Variants in SAMD13 observed in about 807,000 individuals in gnomAD.
SAMD13 encodes the protein sterile alpha motif domain containing 13, also known as sterile alpha motif domain-containing protein 13.
SAMD13 carries 9 observed loss-of-function variants against 12.4 expected under a neutral mutation model. The ratio of observed to expected loss-of-function variants is 0.72; its 90% confidence interval spans 0.44 to 1.26. The LOEUF (loss-of-function observed/expected upper bound fraction) is 1.26, where lower values mean the gene tolerates loss of function less well. SAMD13 is among the 50% of genes most tolerant of loss of function. The pLI is 0.00. For synonymous variants in SAMD13, 46 were observed against 45.4 expected (o/e 1.01, Z -0.05); for missense variants, 84 against 119.6 (o/e 0.70, Z 1.39).
At chr1:84,306,375 A>G (rs1180571759) in intron 2 of SAMD13, among the ~76,000 whole-genome samples, 1 of 152,170 alleles carries the variant, frequency 6.6e-6, no homozygotes, top group Non-Finnish European at 1.5e-5. Context: ...TTAGTAGATT[A>G]CACCACATTT....
chr1:84,319,390 C>A (rs1678895125), intron 2 of SAMD13, among the ~76,000 whole-genome samples: 1 of 152,052 alleles, frequency 6.6e-6, no homozygotes. Context: ...CTTTGGGAGG[C>A]CACGGCAGGT....
intron 3 of SAMD13, among the ~76,000 whole-genome samples, chr1:84,344,261 G>C (rs1338576634): frequency 2.0e-5 from 3 of 152,104 alleles, no homozygotes; most frequent in African/African-American, 7.2e-5. Context: ...TTCAACAAAT[G>C]AAATACTTTT....
At chr1:84,323,822 C>T (rs1279661890) in intron 2 of SAMD13, among the ~76,000 whole-genome samples, 2 of 152,098 alleles carry the variant, frequency 1.3e-5, no homozygotes, top group Non-Finnish European at 2.9e-5. Context: ...CAGCTCTCTT[C>T]TCCTCCTCTC....
chr1:84,349,893 T>C lies in SAMD13; in HGVS notation c.*119T>C. On this transcript the variant is annotated 3_prime_UTR_variant, in exon 4 of 4. Transcript: ENST00000394834. ...GTATATGTAAAGAATTTCAATCAAA[T>C]GAAACGTTATCCTATTGGATAGACT... 6.9e-7 allele frequency: 1 copy of C among 1,439,886 alleles called. No individual in the cohort carries two copies. The highest frequency in any genetic ancestry group is 9.1e-7 in the Non-Finnish European group (1 of 1,098,946). The allele number at this position is 1,439,886 out of a possible 1,614,324, so 89.2% of individuals were successfully genotyped here.
At chr1:84,305,974 T>A (rs544500127) in intron 2 of SAMD13, among the ~76,000 whole-genome samples, 1 of 152,340 alleles carries the variant, frequency 6.6e-6, no homozygotes, top group African/African-American at 2.4e-5. Context: ...CCATATGAAT[T>A]TTAGAATTAG....
chr1:84,311,685 A>G (rs531059582), intron 2 of SAMD13, among the ~76,000 whole-genome samples: 8 of 152,332 alleles, frequency 5.3e-5, no homozygotes, highest in African/African-American at 1.9e-4. Context: ...TTTTGTTTTA[A>G]AATTACAACA....
At chr1:84,330,836 AG>A (rs1238554295) in intron 3 of SAMD13, among the ~76,000 whole-genome samples, 1 of 152,222 alleles carries the variant, frequency 6.6e-6, no homozygotes, top group African/African-American at 2.4e-5. Context: ...CAAACTTACA[AG>A]CAACATTCAT....
At chr1:84,319,179 T>C (rs1026450920) in intron 2 of SAMD13, among the ~76,000 whole-genome samples, 7 of 152,224 alleles carry the variant, frequency 4.6e-5, no homozygotes, top group Non-Finnish European at 8.8e-5. Context: ...GAGACCATTG[T>C]GCTGTGGCTC....
At chr1:84,337,234 G>A (rs1260066248) in intron 3 of SAMD13, among the ~76,000 whole-genome samples, 6 of 152,156 alleles carry the variant, frequency 3.9e-5, no homozygotes, top group African/African-American at 1.4e-4. Flanking sequence ...TGGTGCCTCA[G>A]TAGGGACTCT....
chr1:84,343,656 A>C (rs1376493684), intron 3 of SAMD13, among the ~76,000 whole-genome samples: 1 of 152,214 alleles, frequency 6.6e-6, no homozygotes, highest in Non-Finnish European at 1.5e-5. Context: ...CTGAAGAATG[A>C]GAACACATCG....
At chr1:84,335,951 G>T (rs1368722002) in intron 3 of SAMD13, among the ~76,000 whole-genome samples, 1 of 152,116 alleles carries the variant, frequency 6.6e-6, no homozygotes, top group African/African-American at 2.4e-5. Context: ...TAGGTGACTT[G>T]CCCCTTGTCT....
intron 2 of SAMD13, among the ~76,000 whole-genome samples, chr1:84,305,945 G>C (rs1173692156): frequency 6.6e-6 from 1 of 151,922 alleles, no homozygotes; most frequent in African/African-American, 2.4e-5. Context: ...TTTCAAGGTT[G>C]TTTTGCCTCT....
At chr1:84,306,301 A>ATTTTTTTTTTTTTTTTTTTTT (rs1257251294) in intron 2 of SAMD13, among the ~76,000 whole-genome samples, 1 of 152,056 alleles carries the variant, frequency 6.6e-6, no homozygotes, top group African/African-American at 2.4e-5. Context: ...AATACAATTG[A>ATTTTTTTTTTTTTTTTTTTTT]TTTTTTATAT....
chr1:84,335,281 C>T (rs1285098529), intron 3 of SAMD13, among the ~76,000 whole-genome samples: 2 of 152,148 alleles, frequency 1.3e-5, no homozygotes, highest in Non-Finnish European at 2.9e-5. Context: ...GAATTGAGCC[C>T]TTTACCATTG....
At chr1:84,337,487 T>C (rs1265200641) in intron 3 of SAMD13, among the ~76,000 whole-genome samples, 12 of 152,270 alleles carry the variant, frequency 7.9e-5, no homozygotes, top group Non-Finnish European at 7.4e-5. Context: ...AAGCTCTACA[T>C]TGGTCCCTTT....
intron 2 of SAMD13, among the ~76,000 whole-genome samples, chr1:84,322,148 C>A (rs148959845): frequency 1.4e-3 from 208 of 152,326 alleles, no homozygotes; most frequent in Middle Eastern, 6.8e-3. Flanking sequence ...TTCCTCAGAG[C>A]TAGCTGTTTC....
chr1:84,336,393 C>T (rs368583957), intron 3 of SAMD13, among the ~76,000 whole-genome samples: 3 of 152,190 alleles, frequency 2.0e-5, no homozygotes, highest in African/African-American at 7.2e-5. Context: ...TACAGTCCCA[C>T]ATGGCTGGGG....
chr1:84,347,066 C>G (rs376047494), intron 3 of SAMD13, among the ~76,000 whole-genome samples: 2 of 152,296 alleles, frequency 1.3e-5, no homozygotes, highest in African/African-American at 4.8e-5. Context: ...TGGTTTATTT[C>G]CATCTTAAGG....
upstream of SAMD13, chr1:84,299,625 C>T (rs574492534): frequency 4.0e-6 from 6 of 1,511,076 alleles, no homozygotes; most frequent in East Asian, 1.5e-4. Context: ...TGATGGCAAA[C>T]AGTTTGTTGG....
Sources: allele counts gnomAD v4.1 joint callset (sites outside exome capture counted in the v4.1 genomes callset), GRCh38; gene constraint gnomAD v4.1.1; transcripts MANE v1.5; gene names NCBI Gene and HGNC (gene_info 2026-07-23, HGNC 2026-07-21).